VRK2: variants seen among roughly 807,000 people sequenced by gnomAD.
VRK2 encodes VRK serine/threonine kinase 2, also known as serine/threonine-protein kinase VRK2.
VRK2 carries 60 observed loss-of-function variants against 57.6 expected under a neutral mutation model. That is an observed-to-expected ratio of 1.04 (90% CI 0.85 to 1.29). The LOEUF is 1.29. Ranked by LOEUF, VRK2 falls within the 50% of genes most tolerant of loss-of-function variation. The pLI is 0.00. For missense variants in VRK2, 705 were observed against 588.1 expected, an observed-to-expected ratio of 1.20 and a Z score of -2.06; for synonymous variants, 231 against 199.2, an observed-to-expected ratio of 1.16 and a Z score of -1.35.
chr2:57,943,080 T>C (rs1311989651), intron 1 of VRK2, among the ~76,000 whole-genome samples: 1 of 152,212 alleles, frequency 6.6e-6, no homozygotes, highest in East Asian at 1.9e-4. Context: ...AGCTTTTCAA[T>C]AAACTGAAGC....
chr2:57,932,423 T>C (rs982030357), intron 1 of VRK2, among the ~76,000 whole-genome samples: 6 of 152,192 alleles, frequency 3.9e-5, no homozygotes, highest in African/African-American at 1.4e-4. Flanking sequence ...AAAATTCATC[T>C]TATTGATTAT....
intron 7 of VRK2, among the ~76,000 whole-genome samples, chr2:58,109,704 G>T (rs1283583804): frequency 2.6e-5 from 4 of 152,152 alleles, no homozygotes. Flanking sequence ...CTTCCCAGGG[G>T]TCCTTCCCTC....
rs1032210931 is a variant in VRK2 at position 57,940,680 on chromosome 2, A to G, written c.-439+32841A>G. ...TATATTATTTTACATACATTTATTTATATGTTAGTTCTTTTGAAAGAACAT... is the reference window on the plus strand; with the variant it reads ...TATATTATTTTACATACATTTATTTGTATGTTAGTTCTTTTGAAAGAACAT... On this transcript the variant is annotated intron_variant, in intron 1 of 15. Transcript: ENST00000417641. Among the ~76,000 whole-genome samples the G allele has an allele frequency of 1.7e-3, 255 of 152,238 alleles. 1 individual carries two copies. The highest frequency in any genetic ancestry group is 4.7e-4 in the Non-Finnish European group (32 of 68,002).
chr2:57,980,900 T>C (rs113963370), intron 1 of VRK2, among the ~76,000 whole-genome samples: 12,575 of 152,178 alleles, frequency 0.083, 577 homozygotes, highest in Middle Eastern at 0.095. Flanking sequence ...TTTCTCCATC[T>C]CTTCACTTTG....
chr2:58,113,578 A>G (rs1046371641), intron 7 of VRK2, among the ~76,000 whole-genome samples: 27 of 152,082 alleles, frequency 1.8e-4, no homozygotes, highest in Non-Finnish European at 2.8e-4. Context: ...AGGATTTGGG[A>G]AGGTAATGGA....
chr2:57,957,478 A>G (rs1346038166), intron 1 of VRK2, among the ~76,000 whole-genome samples: 2 of 151,880 alleles, frequency 1.3e-5, no homozygotes, highest in African/African-American at 4.8e-5. Context: ...ATTACGCAAT[A>G]AAGTGAGGAC....
At chr2:58,018,781 C>A (rs1038914919) in intron 1 of VRK2, among the ~76,000 whole-genome samples, 3 of 152,098 alleles carry the variant, frequency 2.0e-5, no homozygotes, top group Admixed American at 6.5e-5. Context: ...CTAGGCACAC[C>A]TGACCACTTC....
At chr2:58,139,034 A>T (rs1443012587) in intron 10 of VRK2, among the ~76,000 whole-genome samples, 2 of 152,108 alleles carry the variant, frequency 1.3e-5, no homozygotes, top group Admixed American at 6.6e-5. Flanking sequence ...TTTACACTAG[A>T]GAAAAAATAA....
At chr2:58,143,943 G>A (rs565669528) in intron 11 of VRK2, among the ~76,000 whole-genome samples, 1 of 151,024 alleles carries the variant, frequency 6.6e-6, no homozygotes, top group Admixed American at 6.6e-5. Context: ...TATTGTGTCT[G>A]TTTGTGTATA....
chr2:58,012,712 C>T (rs1418835033), intron 1 of VRK2, among the ~76,000 whole-genome samples: 1 of 152,210 alleles, frequency 6.6e-6, no homozygotes. Context: ...ACAAAATACA[C>T]ACCAGACACT....
chr2:58,137,674 G>C (rs930519008), intron 10 of VRK2, among the ~76,000 whole-genome samples: 2 of 152,002 alleles, frequency 1.3e-5, no homozygotes, highest in African/African-American at 4.8e-5. Flanking sequence ...ACAGCCAGAA[G>C]TTTGCAGCAT....
intron 7 of VRK2, among the ~76,000 whole-genome samples, chr2:58,097,487 A>G (rs1473394671): frequency 6.6e-6 from 1 of 152,132 alleles, no homozygotes; most frequent in Non-Finnish European, 1.5e-5. Context: ...TAGTTGTATC[A>G]TATTTAGCAG....
chr2:58,065,228 G>A (rs1668452200), intron 2 of VRK2, among the ~76,000 whole-genome samples: 2 of 151,988 alleles, frequency 1.3e-5, no homozygotes, highest in African/African-American at 4.8e-5. Flanking sequence ...TTAGGATACA[G>A]GACAGATTCA....
intron 1 of VRK2, among the ~76,000 whole-genome samples, chr2:57,927,077 T>C (rs1177859258): frequency 1.3e-5 from 2 of 151,038 alleles, no homozygotes; most frequent in African/African-American, 4.9e-5. Flanking sequence ...GAATAATATC[T>C]TATAACCCAT....
intron 1 of VRK2, among the ~76,000 whole-genome samples, chr2:57,988,675 C>T (rs750001055): frequency 5.3e-5 from 8 of 152,198 alleles, no homozygotes; most frequent in Non-Finnish European, 1.0e-4. Flanking sequence ...GAACTTGGTA[C>T]TTTGAGACAC....
intron 1 of VRK2, among the ~76,000 whole-genome samples, chr2:58,021,610 C>A (rs1480223872): frequency 6.6e-6 from 1 of 152,102 alleles, no homozygotes; most frequent in Non-Finnish European, 1.5e-5. Flanking sequence ...TCCATATAGA[C>A]ATCTGTTAAT....
At chr2:58,089,176 A>G (rs901186956) in intron 6 of VRK2, among the ~76,000 whole-genome samples, 2 of 152,236 alleles carry the variant, frequency 1.3e-5, no homozygotes, top group African/African-American at 4.8e-5. Context: ...ATTACCATAC[A>G]GAGGAAGAAT....
At chr2:58,145,921 C>G (rs1381219467) in intron 11 of VRK2, among the ~76,000 whole-genome samples, 1 of 151,992 alleles carries the variant, frequency 6.6e-6, no homozygotes, top group African/African-American at 2.4e-5. Context: ...TGGTTTCCAG[C>G]TTCATCCATG....
intron 1 of VRK2, among the ~76,000 whole-genome samples, chr2:58,006,160 C>T (rs574149674): frequency 5.3e-4 from 81 of 152,056 alleles, no homozygotes; most frequent in Non-Finnish European, 9.9e-4. Context: ...ATCTGGGGGA[C>T]ATGTGTGGAA....
Sources: allele counts gnomAD v4.1 joint callset (sites outside exome capture counted in the v4.1 genomes callset), GRCh38; gene constraint gnomAD v4.1.1; transcripts MANE v1.5; gene names NCBI Gene and HGNC (gene_info 2026-07-23, HGNC 2026-07-21).